CCDC85A: variants seen among roughly 807,000 people sequenced by gnomAD.
The protein encoded by CCDC85A is coiled-coil domain containing 85A.
Under a neutral mutation model 50.2 loss-of-function variants are expected in CCDC85A, and 38 were observed. That is an observed-to-expected ratio of 0.76 (90% CI 0.58 to 0.99). CCDC85A has a LOEUF of 0.99. Ranked by LOEUF, CCDC85A falls within the 50% of genes least tolerant of loss-of-function variation. The pLI is 0.00. For missense variants in CCDC85A, 820 were observed against 742.0 expected, an observed-to-expected ratio of 1.11 and a Z score of -1.22; for synonymous variants, 366 against 301.4, an observed-to-expected ratio of 1.21 and a Z score of -2.22.
intron 3 of CCDC85A, among the ~76,000 whole-genome samples, chr2:56,355,421 T>C (rs2104354684): frequency 6.6e-6 from 1 of 152,312 alleles, no homozygotes; most frequent in Non-Finnish European, 1.5e-5. Context: ...TTTCTTACCT[T>C]TGGGAGAACT....
intron 2 of CCDC85A, among the ~76,000 whole-genome samples, chr2:56,193,907 A>G (rs904152454): frequency 3.9e-5 from 6 of 152,372 alleles, no homozygotes; most frequent in African/African-American, 1.4e-4. Context: ...TGAAAAACCA[A>G]TAACATTAAA....
At chr2:56,212,127 C>A (rs1054361390) in intron 2 of CCDC85A, among the ~76,000 whole-genome samples, 1 of 152,058 alleles carries the variant, frequency 6.6e-6, no homozygotes, top group Non-Finnish European at 1.5e-5. Flanking sequence ...CTTCTGAGTA[C>A]TTGCCAGCTA....
chr2:56,339,700 G>T (rs930235675), intron 2 of CCDC85A, among the ~76,000 whole-genome samples: 1 of 152,030 alleles, frequency 6.6e-6, no homozygotes, highest in Non-Finnish European at 1.5e-5. Context: ...GGTTTAAATA[G>T]AATATTGCTG....
intron 2 of CCDC85A, among the ~76,000 whole-genome samples, chr2:56,324,003 G>T (rs529973199): frequency 6.6e-6 from 1 of 152,212 alleles, no homozygotes; most frequent in East Asian, 1.9e-4. Context: ...ATTGTAGGAG[G>T]TGTCCATCAT....
At chr2:56,331,811 C>T (rs1673813119) in intron 2 of CCDC85A, among the ~76,000 whole-genome samples, 1 of 152,182 alleles carries the variant, frequency 6.6e-6, no homozygotes. Context: ...GAAAATGATT[C>T]AGTATTTTCA....
chr2:56,223,219 TGAATCA>T (rs1277673988), intron 2 of CCDC85A, among the ~76,000 whole-genome samples: 1 of 152,168 alleles, frequency 6.6e-6, no homozygotes, highest in East Asian at 1.9e-4. Context: ...GTTAAAAAGC[TGAATCA>T]GTCATATTTT....
At chr2:56,229,420 C>T (rs1198183502) in intron 2 of CCDC85A, among the ~76,000 whole-genome samples, 1 of 152,072 alleles carries the variant, frequency 6.6e-6, no homozygotes, top group African/African-American at 2.4e-5. Context: ...AGACTAGTAA[C>T]ATTGTTGCTT....
chr2:56,333,498 G>A (rs1032160057), intron 2 of CCDC85A, among the ~76,000 whole-genome samples: 37 of 152,266 alleles, frequency 2.4e-4, no homozygotes, highest in African/African-American at 8.4e-4. Flanking sequence ...AAGAACTTTG[G>A]CCTTAATTTG....
chr2:56,368,935 T>G (rs1675940933), intron 3 of CCDC85A, among the ~76,000 whole-genome samples: 1 of 152,100 alleles, frequency 6.6e-6, no homozygotes, highest in Non-Finnish European at 1.5e-5. Flanking sequence ...AGAATTTTCA[T>G]TAAATTAAAA....
chr2:56,366,784 T>A (rs1212526057), intron 3 of CCDC85A, among the ~76,000 whole-genome samples: 1 of 152,200 alleles, frequency 6.6e-6, no homozygotes, highest in Non-Finnish European at 1.5e-5. Context: ...GTCCTCTGCC[T>A]GCCGAGGAGT....
intron 1 of CCDC85A, among the ~76,000 whole-genome samples, chr2:56,189,283 G>T (rs1201037368): frequency 1.7e-5 from 2 of 116,782 alleles, no homozygotes; most frequent in South Asian, 4.8e-4. Flanking sequence ...AAACATGCAC[G>T]GGGTATTTTT....
chr2:56,224,346 G>GA (rs1318056846), intron 2 of CCDC85A, among the ~76,000 whole-genome samples: 1 of 152,166 alleles, frequency 6.6e-6, no homozygotes, highest in Non-Finnish European at 1.5e-5. Flanking sequence ...TACCGCATTT[G>GA]AAAAAATCCA....
At chr2:56,263,830 C>A (rs1410852421) in intron 2 of CCDC85A, among the ~76,000 whole-genome samples, 1 of 152,170 alleles carries the variant, frequency 6.6e-6, no homozygotes, top group Non-Finnish European at 1.5e-5. Context: ...AGCTTACACA[C>A]TATAACACTG....
intron 2 of CCDC85A, among the ~76,000 whole-genome samples, chr2:56,297,393 C>CTTTTTTTTTTTTTTTTTTTTTTTT (rs72027842): frequency 7.3e-6 from 1 of 136,292 alleles, no homozygotes. Flanking sequence ...TTGTACGAGC[C>CTTTTTTTTTTTTTTTTTTTTTTTT]TTTTTTTTTT....
chr2:56,209,470 A>G lies in CCDC85A; in HGVS notation c.1240+16030A>G, dbSNP rs1201759959. Among the ~76,000 whole-genome samples, 7 of 139,276 alleles carry G rather than the reference A, an allele frequency of 5.0e-5. No individual in the cohort carries two copies. In the East Asian group the frequency reaches 1.0e-3, roughly 21 times the overall value. The allele number at this position is 139,276 out of a possible 152,430, so 91.4% of individuals were successfully genotyped here. ...CTTTTAGCACTAAATGTTGACTTGT[A>G]TGCAAAACTTCTGCTGAATTATTGA... On this transcript the variant is annotated intron_variant, in intron 2 of 5. Transcript: ENST00000407595.
At position 56,386,144 on chromosome 2, in the gene CCDC85A, T is replaced by C. The variant is rs959505135; in HGVS notation, c.*1789T>C. The C allele has an allele frequency of 6.6e-6, 1 of 152,236 alleles. No individual in the cohort carries two copies. The highest frequency in any genetic ancestry group is 6.6e-5 in the Admixed American group (1 of 15,202). 9.4% of individuals were successfully genotyped at this position (152,236 alleles called of 1,614,324 possible). A position where few individuals can be genotyped will look rare whatever the true frequency, so the allele number is the denominator to read the frequency against. On this transcript the variant is annotated 3_prime_UTR_variant, in exon 6 of 6. Coordinates refer to ENST00000407595, the MANE Select transcript of CCDC85A (RefSeq NM_001080433.2). Reference sequence around the variant, plus strand: ...GAGTATTAAGTATATGTGTTCATCTTAGCAATGGTAATAAATTATTTAATC... The same window carrying C: ...GAGTATTAAGTATATGTGTTCATCTCAGCAATGGTAATAAATTATTTAATC...
intron 2 of CCDC85A, among the ~76,000 whole-genome samples, chr2:56,258,185 G>A: frequency 6.6e-6 from 1 of 152,132 alleles, no homozygotes; most frequent in East Asian, 1.9e-4. Flanking sequence ...GGTGGGGGAG[G>A]CCATGGAAGC....
intron 3 of CCDC85A, among the ~76,000 whole-genome samples, chr2:56,344,797 C>G (rs1047233233): frequency 3.3e-5 from 5 of 151,886 alleles, no homozygotes; most frequent in African/African-American, 1.2e-4. Context: ...CATGGTTGTG[C>G]CATCTCTCAG....
chr2:56,197,850 G>A (rs948782514), intron 2 of CCDC85A, among the ~76,000 whole-genome samples: 1 of 152,190 alleles, frequency 6.6e-6, no homozygotes, highest in Non-Finnish European at 1.5e-5. Context: ...CTAATTTGAA[G>A]GCAACTCTGA....
Sources: allele counts gnomAD v4.1 joint callset (sites outside exome capture counted in the v4.1 genomes callset), GRCh38; gene constraint gnomAD v4.1.1; transcripts MANE v1.5; gene names NCBI Gene and HGNC (gene_info 2026-07-23, HGNC 2026-07-21).